The following ZBTB25 variants were observed in gnomAD, a reference collection of about 807,000 sequenced individuals.
ZBTB25 encodes the protein zinc finger and BTB domain-containing protein 25.
Under a neutral mutation model 34.2 loss-of-function variants are expected in ZBTB25, and 20 were observed. The ratio of observed to expected loss-of-function variants is 0.58; its 90% confidence interval spans 0.41 to 0.85. ZBTB25 has a LOEUF of 0.85. ZBTB25 is among the 40% of genes least tolerant of loss of function. The probability of loss-of-function intolerance (pLI) is 0.00; values close to 1 mark genes in which losing one functional copy is unlikely to be tolerated. For synonymous variants in ZBTB25, 175 were observed against 186.4 expected (o/e 0.94, Z 0.50); for missense variants, 437 against 521.8 (o/e 0.84, Z 1.58).
At chr14:64,494,856 T>C (rs1346491636) in intron 1 of ZBTB25, among the ~76,000 whole-genome samples, 1 of 152,222 alleles carries the variant, frequency 6.6e-6, no homozygotes, top group Non-Finnish European at 1.5e-5. Context: ...TCAGATTAGA[T>C]AATTTCTATT....
intron 2 of ZBTB25, chr14:64,458,099 C>T: frequency 2.4e-6 from 2 of 824,252 alleles, no homozygotes; most frequent in Non-Finnish European, 4.3e-6. Flanking sequence ...CTATGTTGCC[C>T]AGGGTGGTTT....
At chr14:64,469,736 T>A in intron 2 of ZBTB25, 1 of 1,242,210 alleles carries the variant, frequency 8.1e-7, no homozygotes, top group South Asian at 1.6e-5. Flanking sequence ...CTTTTATACA[T>A]TTGTGGCATT....
Position 64,486,312 on chromosome 14 carries a change from A to G in ZBTB25, c.*611T>C, listed in dbSNP as rs2078861452. ...GAGAGACTCTGTCTCAAAAAAAAAA[A>G]GAGGTATACTCAATGTTAAAAAGTA... On this transcript the variant is annotated 3_prime_UTR_variant, in exon 3 of 3. Coordinates refer to ENST00000608382, the MANE Select transcript of ZBTB25 (RefSeq NM_006977.5). 1.0e-6 allele frequency: 1 copy of G among 984,644 alleles called. No individual in the cohort carries two copies. The allele number at this position is 984,644 out of a possible 1,614,324, so 61.0% of individuals were successfully genotyped here. A position where few individuals can be genotyped will look rare whatever the true frequency, so the allele number is the denominator to read the frequency against.
intron 2 of ZBTB25, among the ~76,000 whole-genome samples, chr14:64,449,994 C>A (rs893388506): frequency 6.6e-6 from 1 of 152,242 alleles, no homozygotes; most frequent in Admixed American, 6.5e-5. Flanking sequence ...GTTTCACCAT[C>A]TTGGCCAGGC....
intron 2 of ZBTB25, chr14:64,460,023 G>T: frequency 9.1e-7 from 1 of 1,096,794 alleles, no homozygotes; most frequent in Non-Finnish European, 1.3e-6. Flanking sequence ...GTTGCAATAT[G>T]AATTACAGCC....
Position 64,488,034 on chromosome 14 carries a change from G to A in ZBTB25, c.197C>T (p.Thr66Ile). 1 of 1,612,202 alleles carries A rather than the reference G, an allele frequency of 6.2e-7. No individual in the cohort carries two copies. Among genetic ancestry groups the A allele is most frequent in the Non-Finnish European group, 8.5e-7 (1 of 1,178,406 alleles). The change falls in exon 3 of 3, where the codon ACT becomes ATT. Residue 66 changes from threonine to isoleucine, a missense_variant. Transcript: ENST00000608382. ...GCTGAATATGTCAGGTTGGATGTCA[G>A]TTGGTTGTATTTTTATGCATTCACT... ...QTSECIKIQP[T>I]DIQPDIFSYL...
chr14:64,467,443 T>C (rs2078623562), intron 2 of ZBTB25: 1 of 152,220 alleles, frequency 6.6e-6, no homozygotes, highest in Non-Finnish European at 1.5e-5. Context: ...ATACAGCAGA[T>C]ACAGTACTTA....
chr14:64,472,382 TTGGAAATATTTTGG>T (rs1387498089), intron 2 of ZBTB25: 2 of 167,068 alleles, frequency 1.2e-5, no homozygotes, highest in Non-Finnish European at 2.9e-5. Context: ...TTAGCAGTTA[TTGGAAATATTTTGG>T]GGGATTTTTA....
In ZBTB25 at chr14:64,484,113, T is replaced by A. The variant is rs1272194476; in HGVS notation, c.*2810A>T. ...TTTCCCACTTCCTAAACAGAATGAA[T>A]GTTTTAAGGAACAAGGAAAGAGCAT... On this transcript the variant is annotated 3_prime_UTR_variant, in exon 3 of 3. Coordinates refer to ENST00000608382, the MANE Select transcript of ZBTB25 (RefSeq NM_006977.5). 1 of 152,158 alleles carries A rather than the reference T, an allele frequency of 6.6e-6. No individual in the cohort carries two copies. The highest frequency in any genetic ancestry group is 1.5e-5 in the Non-Finnish European group (1 of 68,036). 9.4% of individuals were successfully genotyped at this position (152,158 alleles called of 1,614,324 possible). A position where few individuals can be genotyped will look rare whatever the true frequency, so the allele number is the denominator to read the frequency against.
chr14:64,468,042 G>A (rs2078629238), intron 2 of ZBTB25: 1 of 158,508 alleles, frequency 6.3e-6, no homozygotes, highest in Non-Finnish European at 1.4e-5. Flanking sequence ...AAATATGCCT[G>A]GTAGAATCTT....
At position 64,482,233 on chromosome 14, in the gene ZBTB25, A is replaced by G. The variant is rs2078802988; in HGVS notation, c.*4690T>C. On this transcript the variant is annotated 3_prime_UTR_variant, in exon 3 of 3. Transcript: ENST00000608382. ...TTTGGGAGGCTGAGATAGGCAGATC[A>G]CAAGGTCAGGAGTTCGAAACCAGCC... The G allele has an allele frequency of 6.6e-6, 1 of 152,200 alleles. No individual in the cohort carries two copies. 9.4% of individuals were successfully genotyped at this position (152,200 alleles called of 1,614,324 possible). A position where few individuals can be genotyped will look rare whatever the true frequency, so the allele number is the denominator to read the frequency against.
exon 3 of ZBTB25, chr14:64,449,235 A>G (rs1046636689): frequency 9.5e-6 from 6 of 629,690 alleles, no homozygotes; most frequent in African/African-American, 1.8e-5. Flanking sequence ...GCGTATTACC[A>G]GGGTGGAAAT....
chr14:64,462,775 G>T (rs1045403176), intron 2 of ZBTB25: 2 of 152,152 alleles, frequency 1.3e-5, no homozygotes, highest in Admixed American at 6.5e-5. Flanking sequence ...TGGTGCCCAG[G>T]AACAGATGAA....
At chr14:64,449,779 A>G in intron 2 of ZBTB25, 1 of 815,396 alleles carries the variant, frequency 1.2e-6, no homozygotes, top group African/African-American at 1.7e-5. Flanking sequence ...CTGGACTCCC[A>G]GCTGTAGACA....
At chr14:64,492,117 C>CAAAAAGAA (rs2079101418) in intron 1 of ZBTB25, among the ~76,000 whole-genome samples, 1 of 74,016 alleles carries the variant, frequency 1.4e-5, no homozygotes, top group Non-Finnish European at 2.5e-5. Context: ...GACCCTATCT[C>CAAAAAGAA]AAAAAAAAAA....
intron 2 of ZBTB25, among the ~76,000 whole-genome samples, chr14:64,451,800 C>T (rs1255124078): frequency 7.2e-5 from 11 of 152,226 alleles, no homozygotes; most frequent in Non-Finnish European, 1.6e-4. Context: ...AGTGCTTTTG[C>T]TTCAGAAGTT....
intron 2 of ZBTB25, among the ~76,000 whole-genome samples, chr14:64,465,209 G>C (rs2078597447): frequency 6.6e-6 from 1 of 151,890 alleles, no homozygotes; most frequent in Non-Finnish European, 1.5e-5. Flanking sequence ...TCATTGCCCT[G>C]GTCCCCCCCG....
At chr14:64,494,363 T>G (rs1315234226) in intron 1 of ZBTB25, among the ~76,000 whole-genome samples, 1 of 152,182 alleles carries the variant, frequency 6.6e-6, no homozygotes, top group Non-Finnish European at 1.5e-5. Context: ...CCAAGCGCAG[T>G]GGCCCACGCC....
At chr14:64,454,802 C>G in intron 2 of ZBTB25, 1 of 1,614,134 alleles carries the variant, frequency 6.2e-7, no homozygotes. Context: ...GGTGTCCCTA[C>G]AGGCTTCATT....
Sources: gnomAD v4.1 joint callset for allele counts (sites outside exome capture counted in the v4.1 genomes callset) on GRCh38, gnomAD v4.1.1 for gene constraint, MANE v1.5 for transcripts, NCBI Gene and HGNC (gene_info 2026-07-23, HGNC 2026-07-21) for gene names.